The following CSMD3 variants were observed in gnomAD, a reference collection of about 807,000 sequenced individuals.
CSMD3 encodes CUB and sushi domain-containing protein 3.
A neutral mutation model predicts 435.2 loss-of-function variants in CSMD3; 177 were observed. That is an observed-to-expected ratio of 0.41 (90% CI 0.36 to 0.46). CSMD3 has a LOEUF of 0.46. CSMD3 is among the 20% of genes least tolerant of loss of function. The pLI is 0.34. For synonymous variants in CSMD3, 1,656 were observed against 1,520.5 expected (o/e 1.09, Z -2.07); for missense variants, 4,265 against 4,504.6 (o/e 0.95, Z 1.52).
chr8:112,665,167 G>A (rs142206054), intron 17 of CSMD3, among the ~76,000 whole-genome samples: 1 of 152,216 alleles, frequency 6.6e-6, no homozygotes, highest in Admixed American at 6.5e-5. Context: ...AGTCAAATGC[G>A]AAGTTGTAAC....
intron 6 of CSMD3, among the ~76,000 whole-genome samples, chr8:113,006,544 T>C (rs1175018999): frequency 6.6e-6 from 1 of 151,874 alleles, no homozygotes; most frequent in African/African-American, 2.4e-5. Context: ...GGTGTCCATG[T>C]CTGAAAAAAT....
intron 18 of CSMD3, among the ~76,000 whole-genome samples, chr8:112,655,026 T>C (rs2075222766): frequency 6.6e-6 from 1 of 152,170 alleles, no homozygotes; most frequent in Non-Finnish European, 1.5e-5. Context: ...TTTACCATGA[T>C]TTTTACAAAA....
At chr8:113,389,067 T>A (rs1348108477) in intron 1 of CSMD3, among the ~76,000 whole-genome samples, 1 of 151,608 alleles carries the variant, frequency 6.6e-6, no homozygotes, top group Non-Finnish European at 1.5e-5. Flanking sequence ...AACAAAGTTT[T>A]TAATAAAATA....
At chr8:112,705,922 A>G (rs1454692652) in intron 13 of CSMD3, among the ~76,000 whole-genome samples, 1 of 152,154 alleles carries the variant, frequency 6.6e-6, no homozygotes, top group Middle Eastern at 3.4e-3. Context: ...ATCCTCCTTG[A>G]CTTGCCTTGA....
At chr8:112,247,240 G>T in intron 63 of CSMD3, 109 bp from the exon 64 acceptor site, 1 of 693,984 alleles carries the variant, frequency 1.4e-6, no homozygotes, top group Non-Finnish European at 2.5e-6. Flanking sequence ...GTATGGTAAA[G>T]TTGGAAGAAA....
intron 45 of CSMD3, among the ~76,000 whole-genome samples, chr8:112,331,625 C>T (rs1050264642): frequency 1.3e-5 from 2 of 151,860 alleles, no homozygotes; most frequent in Non-Finnish European, 2.9e-5. Flanking sequence ...CTTCAATGAT[C>T]AATGTGACCT....
chr8:113,403,153 C>T lies in CSMD3; in HGVS notation c.178+33524G>A, dbSNP rs903830582. Among the ~76,000 whole-genome samples, 6 of 151,176 alleles carry T rather than the reference C, an allele frequency of 4.0e-5. 1 individual carries two copies. Among genetic ancestry groups the T allele is most frequent in the Admixed American group, 2.6e-4 (4 of 15,150 alleles). ...TGTGTCCGTTTTAGCATTACTTTTT[C>T]CTAGGATTCATCGTAGTTTTTTATA... On this transcript the variant is annotated intron_variant, in intron 1 of 70. Transcript: ENST00000297405.
chr8:113,424,681 A>G (rs1315435217), intron 1 of CSMD3, among the ~76,000 whole-genome samples: 1 of 151,536 alleles, frequency 6.6e-6, no homozygotes, highest in Non-Finnish European at 1.5e-5. Context: ...GATCTTCATT[A>G]ATACTGGATA....
intron 27 of CSMD3, among the ~76,000 whole-genome samples, chr8:112,544,101 CATA>C (rs1387314393): frequency 7.2e-5 from 11 of 152,022 alleles, no homozygotes; most frequent in Admixed American, 7.2e-4. Flanking sequence ...AATCAACTGG[CATA>C]ATATTTCAGT....
At chr8:113,344,439 G>C (rs1264804693) in intron 1 of CSMD3, among the ~76,000 whole-genome samples, 1 of 152,094 alleles carries the variant, frequency 6.6e-6, no homozygotes, top group Non-Finnish European at 1.5e-5. Context: ...CAGTTGTATG[G>C]AGCTTGAATT....
Position 112,587,173 on chromosome 8 carries a change from T to A in CSMD3, c.3778A>T (p.Asn1260Tyr), listed in dbSNP as rs1455448312. 6.2e-7 allele frequency: 1 copy of A among 1,610,232 alleles called. No homozygotes were observed. Among genetic ancestry groups the A allele is most frequent in the Non-Finnish European group, 8.5e-7 (1 of 1,177,112 alleles). ...ATGCATTCATGGTTGTTTTCATAGTTGAGTGGATAATTTGGAGACAGCAAA... is the reference window on the plus strand; with the variant it reads ...ATGCATTCATGGTTGTTTTCATAGTAGAGTGGATAATTTGGAGACAGCAAA... ...GILLSPNYPL[N>Y]YENNHECIYS... The change falls in exon 23 of 71, where the codon AAC becomes TAC. Residue 1260 changes from asparagine to tyrosine, a missense_variant. Physicochemically the swap from Asn to Tyr is moderately radical, Grantham distance 143. Transcript: ENST00000297405.
chr8:113,291,635 T>C (rs2093687128), intron 2 of CSMD3, among the ~76,000 whole-genome samples: 1 of 151,812 alleles, frequency 6.6e-6, no homozygotes, highest in Non-Finnish European at 1.5e-5. Flanking sequence ...GAAACCACCA[T>C]TGTCCTGGAA....
chr8:112,930,731 C>A (rs1284484942), intron 9 of CSMD3, among the ~76,000 whole-genome samples: 1 of 151,980 alleles, frequency 6.6e-6, no homozygotes, highest in Admixed American at 6.6e-5. Flanking sequence ...GCAAGAGTAA[C>A]CCACAAGGCA....
At chr8:112,662,091 A>G (rs1335210093) in intron 17 of CSMD3, among the ~76,000 whole-genome samples, 1 of 152,118 alleles carries the variant, frequency 6.6e-6, no homozygotes. Context: ...AAATGGCCAC[A>G]CTGCCCAAGG....
At chr8:112,246,912 A>C in intron 64 of CSMD3, 108 bp downstream of exon 64, 1 of 809,026 alleles carries the variant, frequency 1.2e-6, no homozygotes, top group Non-Finnish European at 2.1e-6. Flanking sequence ...TATAATCTAA[A>C]AGTCAATTTG....
rs533489245 is a variant in CSMD3, at chr8:112,314,560, C to T, written c.7418G>A (p.Gly2473Glu). Reference sequence around the variant, plus strand: ...AAGATTTGGGTAACTGTCAGGATATCCAGGGCTCAATATGACTCCAGTAGA... The same window carrying T: ...AAGATTTGGGTAACTGTCAGGATATTCAGGGCTCAATATGACTCCAGTAGA... The part of the protein sequence containing the change: ...LDSTGVILSP[G>E]YPDSYPNLQM... Residue 2473 changes from glycine to glutamate, a missense_variant, in exon 48 of 71, where the codon GGA becomes GAA. By Grantham distance (98) the Gly-to-Glu change is moderately conservative (BLOSUM62 -2). This residue lies in a region of CSMD3 where 3,255 missense variants were observed against 3,380.2 expected (regional missense o/e 0.96). Coordinates refer to ENST00000297405, the MANE Select transcript of CSMD3 (RefSeq NM_198123.2). 1 of 1,612,738 alleles carries T rather than the reference C, an allele frequency of 6.2e-7. No individual in the cohort carries two copies. The highest frequency in any genetic ancestry group is 2.2e-5 in the East Asian group (1 of 44,792).
At chr8:113,404,943 C>A (rs1050940653) in intron 1 of CSMD3, among the ~76,000 whole-genome samples, 1 of 151,314 alleles carries the variant, frequency 6.6e-6, no homozygotes, top group Non-Finnish European at 1.5e-5. Flanking sequence ...ACTACTAGGT[C>A]GTAGTTATAT....
chr8:113,087,377 C>A (rs2089830415), intron 5 of CSMD3, among the ~76,000 whole-genome samples: 1 of 151,712 alleles, frequency 6.6e-6, no homozygotes, highest in South Asian at 2.1e-4. Context: ...CATATGGAAC[C>A]AAAAAAGAGC....
intron 10 of CSMD3, among the ~76,000 whole-genome samples, chr8:112,899,625 A>ATATATATG (rs767369569): frequency 8.7e-6 from 1 of 114,718 alleles, no homozygotes; most frequent in Non-Finnish European, 1.8e-5. Context: ...ATATATATAT[A>ATATATATG]TATATATGTA....
Sources: gnomAD v4.1 joint callset for allele counts (sites outside exome capture counted in the v4.1 genomes callset) on GRCh38, gnomAD v4.1.1 for gene constraint, gnomAD v4.1.1 regional missense constraint, MANE v1.5 for transcripts, NCBI Gene and HGNC (gene_info 2026-07-23, HGNC 2026-07-21) for gene names.